RAB30: variants seen among roughly 807,000 people sequenced by gnomAD.
RAB30 encodes RAB30, member RAS oncogene family, also known as ras-related protein Rab-30.
Under a neutral mutation model 25.1 loss-of-function variants are expected in RAB30, and 9 were observed. The observed-to-expected ratio is 0.36, with a 90% CI of 0.22 to 0.63. The LOEUF (loss-of-function observed/expected upper bound fraction) is 0.63, where lower values mean the gene tolerates loss of function less well. Among genes scored for constraint, RAB30 ranks in the 20% least tolerant of loss-of-function variants. The pLI is 0.69. For missense variants in RAB30, 140 were observed against 243.5 expected, an observed-to-expected ratio of 0.58 and a Z score of 2.83; for synonymous variants, 77 against 86.4, an observed-to-expected ratio of 0.89 and a Z score of 0.60.
chr11:83,070,445 A>G (rs1258408266), intron 1 of RAB30, among the ~76,000 whole-genome samples: 13 of 152,342 alleles, frequency 8.5e-5, no homozygotes, highest in African/African-American at 2.9e-4. Flanking sequence ...AATTTCGCCC[A>G]TGTCTGACTC....
intron 3 of RAB30, among the ~76,000 whole-genome samples, chr11:82,991,607 T>C (rs1454171830): frequency 1.3e-5 from 2 of 151,698 alleles, no homozygotes; most frequent in African/African-American, 4.8e-5. Context: ...TATGCCTACA[T>C]GTTAATGAGG....
chr11:83,058,493 T>C (rs1038683412), intron 1 of RAB30, among the ~76,000 whole-genome samples: 3 of 152,244 alleles, frequency 2.0e-5, no homozygotes, highest in Non-Finnish European at 2.9e-5. Flanking sequence ...AAAAAAAATA[T>C]TATGTAGAAT....
chr11:83,009,448 T>C (rs1857258231), intron 1 of RAB30, among the ~76,000 whole-genome samples: 1 of 152,148 alleles, frequency 6.6e-6, no homozygotes, highest in African/African-American at 2.4e-5. Context: ...AATCAAGAAT[T>C]CTGTAACCAT....
intron 1 of RAB30, among the ~76,000 whole-genome samples, chr11:83,049,536 A>G (rs1397582744): frequency 1.3e-5 from 2 of 150,662 alleles, no homozygotes; most frequent in Non-Finnish European, 3.0e-5. Context: ...GCTGGGGTTC[A>G]GTGGCGTGAT....
At chr11:83,063,029 G>A (rs1858619010) in intron 1 of RAB30, among the ~76,000 whole-genome samples, 2 of 149,080 alleles carry the variant, frequency 1.3e-5, no homozygotes, top group African/African-American at 4.9e-5. Context: ...AAGATAAGTT[G>A]TCCACGTAGC....
At chr11:82,996,728 G>C (rs1856966257) in intron 2 of RAB30, among the ~76,000 whole-genome samples, 1 of 152,206 alleles carries the variant, frequency 6.6e-6, no homozygotes, top group Non-Finnish European at 1.5e-5. Context: ...TCCTACTGAA[G>C]AGGTTTAGAA....
intron 1 of RAB30, among the ~76,000 whole-genome samples, chr11:83,052,749 A>G (rs1443359911): frequency 6.6e-6 from 1 of 152,190 alleles, no homozygotes; most frequent in African/African-American, 2.4e-5. Flanking sequence ...CAGAACTGCA[A>G]AGATAGAATC....
At position 82,982,142 on chromosome 11, in the gene RAB30, T is replaced by C. The variant is rs1490419865; in HGVS notation, c.*23A>G. 3 of 1,613,226 alleles carry C rather than the reference T, an allele frequency of 1.9e-6. No individual in the cohort carries two copies. In the Admixed American group the frequency reaches 5.0e-5, roughly 27 times the overall value. ...GCCCATCAGGGCAGTTGCTGATTCCTTTTCTTCTCCGTGCCTCAGCCTTTA... is the reference window on the plus strand; with the variant it reads ...GCCCATCAGGGCAGTTGCTGATTCCCTTTCTTCTCCGTGCCTCAGCCTTTA... On this transcript the variant is annotated 3_prime_UTR_variant, in exon 5 of 5. Transcript: ENST00000527633.
intron 1 of RAB30, among the ~76,000 whole-genome samples, chr11:83,006,175 A>C (rs1451532739): frequency 6.6e-6 from 1 of 152,220 alleles, no homozygotes; most frequent in African/African-American, 2.4e-5. Context: ...ATTGATTTAA[A>C]GCTAAAAACG....
chr11:83,052,343 C>T (rs1858374789), intron 1 of RAB30, among the ~76,000 whole-genome samples: 1 of 152,202 alleles, frequency 6.6e-6, no homozygotes, highest in African/African-American at 2.4e-5. Flanking sequence ...GGATTTGTGA[C>T]TTGAGCCAAG....
chr11:83,052,353 G>C (rs1271204604), intron 1 of RAB30, among the ~76,000 whole-genome samples: 1 of 152,192 alleles, frequency 6.6e-6, no homozygotes, highest in Non-Finnish European at 1.5e-5. Context: ...CTTGAGCCAA[G>C]ACTTAAGCTC....
chr11:83,055,580 C>A (rs1030948820), intron 1 of RAB30, among the ~76,000 whole-genome samples: 2 of 152,252 alleles, frequency 1.3e-5, no homozygotes, highest in African/African-American at 4.8e-5. Flanking sequence ...TCACTGATCA[C>A]TTTCTACCAA....
chr11:83,062,369 C>G (rs1335440273), intron 1 of RAB30, among the ~76,000 whole-genome samples: 1 of 152,170 alleles, frequency 6.6e-6, no homozygotes, highest in African/African-American at 2.4e-5. Flanking sequence ...ATATTAGTTT[C>G]CTACAATTAA....
Position 82,982,178 on chromosome 11 carries a change from C to A in RAB30, c.599G>T (p.Cys200Phe). 1 of 1,614,156 alleles carries A rather than the reference C, an allele frequency of 6.2e-7. No individual in the cohort carries two copies. Among genetic ancestry groups the A allele is most frequent in the Non-Finnish European group, 8.5e-7 (1 of 1,180,028 alleles). The change falls in exon 5 of 5, where the codon TGT (cysteine) becomes TTT (phenylalanine). Residue 200 changes from cysteine to phenylalanine, a missense_variant. Physicochemically the swap from Cys to Phe is radical, Grantham distance 205 (BLOSUM62 -2). Transcript: ENST00000527633. ...EGKSISYLTC[C>F]NFN ...GTGCCTCAGCCTTTAGTTGAAATTA[C>A]AACAAGTCAAATAGCTGATGCTTTT...
chr11:82,988,797 G>A (rs1331712818), intron 3 of RAB30, among the ~76,000 whole-genome samples: 2 of 152,084 alleles, frequency 1.3e-5, no homozygotes, highest in Middle Eastern at 3.2e-3. Context: ...CTAATTGCAC[G>A]AATTTCACAG....
chr11:83,061,711 T>TC (rs71063254), intron 1 of RAB30, among the ~76,000 whole-genome samples: 4 of 1,322 alleles, frequency 3.0e-3, no homozygotes, highest in African/African-American at 9.5e-3. Flanking sequence ...CTTTCTTTTC[T>TC]TTTTTTTTTT....
chr11:82,997,971 T>G (rs1226774989), intron 1 of RAB30, among the ~76,000 whole-genome samples: 2 of 152,170 alleles, frequency 1.3e-5, no homozygotes, highest in Admixed American at 6.5e-5. Context: ...TTCTTCTGCC[T>G]GGGATGCCCT....
At chr11:83,066,400 T>C (rs1737428923) in intron 1 of RAB30, among the ~76,000 whole-genome samples, 1 of 152,024 alleles carries the variant, frequency 6.6e-6, no homozygotes, top group Admixed American at 6.6e-5. Flanking sequence ...CTGAGACCCA[T>C]TGATTCAGGG....
At chr11:83,067,514 A>T (rs1045498219) in intron 1 of RAB30, among the ~76,000 whole-genome samples, 1 of 152,132 alleles carries the variant, frequency 6.6e-6, no homozygotes, top group African/African-American at 2.4e-5. Flanking sequence ...AGGAACCTCA[A>T]ACTCAGCATG....
Sources: gnomAD v4.1 joint callset for allele counts (sites outside exome capture counted in the v4.1 genomes callset) on GRCh38, gnomAD v4.1.1 for gene constraint, MANE v1.5 for transcripts, NCBI Gene and HGNC (gene_info 2026-07-23, HGNC 2026-07-21) for gene names.